The following TBC1D5 variants were observed in gnomAD, a reference collection of about 807,000 sequenced individuals.
TBC1D5 encodes TBC1 domain family, member 5.
A neutral mutation model predicts 100.3 loss-of-function variants in TBC1D5; 75 were observed. That is an observed-to-expected ratio of 0.75 (90% CI 0.62 to 0.91). The LOEUF (loss-of-function observed/expected upper bound fraction) is 0.91, where lower values mean the gene tolerates loss of function less well. TBC1D5 is among the 40% of genes least tolerant of loss of function. The pLI, the probability that TBC1D5 is intolerant of heterozygous loss-of-function variation, is 0.00. For synonymous variants in TBC1D5, 323 were observed against 325.6 expected (o/e 0.99, Z 0.09); for missense variants, 910 against 942.4 (o/e 0.97, Z 0.45).
intron 2 of TBC1D5, among the ~76,000 whole-genome samples, chr3:17,557,413 C>T (rs1381909409): frequency 1.3e-5 from 2 of 152,164 alleles, no homozygotes; most frequent in Non-Finnish European, 2.9e-5. Context: ...CGTCACTCTT[C>T]CAAATAAAAA....
At chr3:17,729,353 GA>G (rs148290138) in intron 1 of TBC1D5, among the ~76,000 whole-genome samples, 9,100 of 126,054 alleles carry the variant, frequency 0.072, 296 homozygotes, top group Admixed American at 0.088. Context: ...AAATTTGAGA[GA>G]AAAAAAAAAA....
intron 4 of TBC1D5, among the ~76,000 whole-genome samples, chr3:17,423,547 T>G (rs2094267395): frequency 6.6e-6 from 1 of 152,156 alleles, no homozygotes; most frequent in Admixed American, 6.5e-5. Flanking sequence ...GCATCTTTGG[T>G]GTTTATAATT....
At chr3:17,369,942 C>A (rs2092373705) in intron 13 of TBC1D5, among the ~76,000 whole-genome samples, 2 of 151,862 alleles carry the variant, frequency 1.3e-5, no homozygotes, top group Non-Finnish European at 2.9e-5. Context: ...ATATAATGAG[C>A]TAAATGAGGT....
At chr3:17,249,447 T>A (rs1319263968) in intron 16 of TBC1D5, among the ~76,000 whole-genome samples, 1 of 152,238 alleles carries the variant, frequency 6.6e-6, no homozygotes, top group African/African-American at 2.4e-5. Context: ...CCAAATCTCA[T>A]GTTGAAATGT....
At chr3:17,650,171 T>G (rs2065405639) in intron 1 of TBC1D5, among the ~76,000 whole-genome samples, 1 of 151,938 alleles carries the variant, frequency 6.6e-6, no homozygotes, top group Non-Finnish European at 1.5e-5. Flanking sequence ...AGGGATAGCA[T>G]TAGGAGAAAT....
chr3:17,500,287 AC>A (rs1651179955), intron 3 of TBC1D5, among the ~76,000 whole-genome samples: 1 of 149,428 alleles, frequency 6.7e-6, no homozygotes, highest in African/African-American at 2.5e-5. Context: ...CAGAAGTAAG[AC>A]CAGAGGACTT....
chr3:17,509,058 C>G (rs2095873600), intron 2 of TBC1D5, among the ~76,000 whole-genome samples: 1 of 152,006 alleles, frequency 6.6e-6, no homozygotes, highest in Non-Finnish European at 1.5e-5. Context: ...TACTTCCTGT[C>G]TTTATTCTGG....
At chr3:17,395,538 G>A (rs1360134284) in intron 8 of TBC1D5, among the ~76,000 whole-genome samples, 1 of 152,080 alleles carries the variant, frequency 6.6e-6, no homozygotes, top group Non-Finnish European at 1.5e-5. Context: ...TGCCCACTGG[G>A]AATATTATTT....
chr3:17,704,772 G>A (rs1577646992), intron 1 of TBC1D5, among the ~76,000 whole-genome samples: 1 of 70,252 alleles, frequency 1.4e-5, no homozygotes, highest in Non-Finnish European at 2.9e-5. Flanking sequence ...AGTAGGGGCG[G>A]CCGGGCAGAG....
chr3:17,665,063 G>GA (rs1362431146), intron 1 of TBC1D5: 2 of 93,580 alleles, frequency 2.1e-5, no homozygotes, highest in Non-Finnish European at 2.2e-5. Flanking sequence ...GAAGAAGAAA[G>GA]GAAAAAAAAA....
intron 13 of TBC1D5, among the ~76,000 whole-genome samples, chr3:17,339,618 C>A (rs922115838): frequency 6.6e-6 from 1 of 152,138 alleles, no homozygotes. Flanking sequence ...AACTAATTTT[C>A]GTATACTGAT....
intron 1 of TBC1D5, among the ~76,000 whole-genome samples, chr3:17,717,255 T>C (rs2075316181): frequency 9.7e-6 from 1 of 103,278 alleles, no homozygotes; most frequent in Admixed American, 1.1e-4. Context: ...TAAAGGATTT[T>C]TCAAAAAAAA....
At chr3:17,670,199 T>A (rs2067779749) in intron 1 of TBC1D5, among the ~76,000 whole-genome samples, 1 of 152,236 alleles carries the variant, frequency 6.6e-6, no homozygotes, top group Admixed American at 6.5e-5. Context: ...GACTGTCTTA[T>A]GTTTTTACGT....
intron 2 of TBC1D5, among the ~76,000 whole-genome samples, chr3:17,540,892 C>T (rs2096346566): frequency 8.7e-6 from 1 of 114,702 alleles, no homozygotes; most frequent in African/African-American, 3.6e-5. Flanking sequence ...GGCGACAGAG[C>T]GAGGCTCCAT....
intron 1 of TBC1D5, among the ~76,000 whole-genome samples, chr3:17,646,394 C>T (rs779268129): frequency 6.6e-6 from 1 of 152,080 alleles, no homozygotes; most frequent in Non-Finnish European, 1.5e-5. Flanking sequence ...CCCTAAAAAA[C>T]TAAACAGCAC....
intron 3 of TBC1D5, among the ~76,000 whole-genome samples, chr3:17,469,443 C>A (rs2095347650): frequency 6.6e-6 from 1 of 151,794 alleles, no homozygotes; most frequent in African/African-American, 2.4e-5. Flanking sequence ...CATGTTCCAC[C>A]ATTTACTTTA....
chr3:17,654,415 A>T (rs1178472051), intron 1 of TBC1D5, among the ~76,000 whole-genome samples: 1 of 152,182 alleles, frequency 6.6e-6, no homozygotes, highest in African/African-American at 2.4e-5. Context: ...TGTAGGAGGT[A>T]ACTAACAAAA....
In TBC1D5 at chr3:17,556,350, A is replaced by C. The variant is rs151212930; in HGVS notation, c.-35-47745T>G. On this transcript the variant is annotated intron_variant, in intron 2 of 21. Coordinates refer to ENST00000253692, the Ensembl canonical transcript of TBC1D5. Reference sequence around the variant, plus strand: ...TTTTTAAGCCTACAAAAAAATAAGAAATTTCTATTGGTTTAAAATTCATTT... The same window carrying C: ...TTTTTAAGCCTACAAAAAAATAAGACATTTCTATTGGTTTAAAATTCATTT... Among the ~76,000 whole-genome samples the C allele has an allele frequency of 1.0e-3, 152 of 152,202 alleles. 2 individuals carry two copies. The highest frequency in any genetic ancestry group is 3.4e-3 in the African/African-American group (141 of 41,558).
intron 3 of TBC1D5, among the ~76,000 whole-genome samples, chr3:17,445,630 G>C (rs1282630363): frequency 6.6e-6 from 1 of 152,140 alleles, no homozygotes; most frequent in Non-Finnish European, 1.5e-5. Context: ...ATTTTTGAAA[G>C]AGACTACATT....
Sources: gnomAD v4.1 joint callset for allele counts (sites outside exome capture counted in the v4.1 genomes callset) on GRCh38, gnomAD v4.1.1 for gene constraint, MANE v1.5 for transcripts, NCBI Gene and HGNC (gene_info 2026-07-23, HGNC 2026-07-21) for gene names.